Variants in GSAP observed in about 807,000 individuals in gnomAD.
GSAP encodes gamma-secretase activating protein, also known as gamma-secretase-activating protein.
In GSAP, 118 loss-of-function variants were observed where a neutral mutation model predicts 131.7. That is an observed-to-expected ratio of 0.90 (90% confidence interval 0.77 to 1.04). The LOEUF is 1.04. Among genes scored for constraint, GSAP ranks in the 50% least tolerant of loss-of-function variants. The pLI is 0.00. For synonymous variants in GSAP, 381 were observed against 363.4 expected, an observed-to-expected ratio of 1.05 and a Z score of -0.55; for missense variants, 1,019 against 1,013.2, an observed-to-expected ratio of 1.01 and a Z score of -0.08.
intron 6 of GSAP, among the ~76,000 whole-genome samples, chr7:77,384,461 T>C (rs79413659): frequency 1.3e-5 from 2 of 152,022 alleles, no homozygotes; most frequent in Admixed American, 1.3e-4. Context: ...CTCAAGGTTA[T>C]TTTTTTTGTA....
intron 6 of GSAP, among the ~76,000 whole-genome samples, chr7:77,384,309 T>C (rs1293809098): frequency 2.6e-5 from 4 of 152,204 alleles, no homozygotes; most frequent in African/African-American, 9.6e-5. Flanking sequence ...CTCTGCCTGG[T>C]CTTCCTGTGA....
At chr7:77,335,589 G>A (rs1789861315) in intron 19 of GSAP, among the ~76,000 whole-genome samples, 1 of 151,838 alleles carries the variant, frequency 6.6e-6, no homozygotes, top group Non-Finnish European at 1.5e-5. Flanking sequence ...TTACATTAAG[G>A]AATTGTTTCC....
intron 16 of GSAP, among the ~76,000 whole-genome samples, chr7:77,354,590 A>C (rs1793373343): frequency 6.6e-6 from 1 of 152,200 alleles, no homozygotes; most frequent in South Asian, 2.1e-4. Context: ...AACTTCAATT[A>C]GCAGATGCAC....
rs1188614929 is a variant in GSAP at position 77,377,294 on chromosome 7, C to A, written c.673G>T (p.Asp225Tyr). Residue 225 changes from aspartate to tyrosine, a missense_variant, in exon 9 of 31, where the codon GAC (aspartate) becomes TAC (tyrosine). Transcript: ENST00000257626. ...TGAACTAGTTTTTTTACCTTCAGGT[C>A]AATGTAATATAATCTCTGTTCTGAC... Reference protein sequence around the residue: ...DMSEQRLYYIDLKKSRSILKC... With the variant: ...DMSEQRLYYIYLKKSRSILKC... The A allele has an allele frequency of 1.2e-5, 17 of 1,396,888 alleles. No individual in the cohort carries two copies. Among genetic ancestry groups the A allele is most frequent in the South Asian group, 1.6e-5 (1 of 62,920 alleles). The allele number at this position is 1,396,888 out of a possible 1,614,324, so 86.5% of individuals were successfully genotyped here.
At position 77,349,248 on chromosome 7, in the gene GSAP, CT is replaced by C. The variant is rs1792401757; in HGVS notation, c.1545+102del. On this transcript the variant is annotated intron_variant, in intron 19 of 30. Coordinates refer to ENST00000257626, the MANE Select transcript of GSAP (RefSeq NM_017439.4). Reference sequence around the variant, plus strand: ...ACCCACCCTACTGCCTTGCCCTCCCCTCCCCTGCCAATTTGCAATCCCTTTT... The same window carrying C: ...ACCCACCCTACTGCCTTGCCCTCCCCCCCCTGCCAATTTGCAATCCCTTTT... The C allele has an allele frequency of 5.6e-6, 5 of 894,436 alleles. No homozygotes were observed. In the South Asian group the frequency reaches 7.1e-5, roughly 13 times the overall value. 55.4% of individuals were successfully genotyped at this position (894,436 alleles called of 1,614,324 possible). A position where few individuals can be genotyped will look rare whatever the true frequency, so the allele number is the denominator to read the frequency against.
At position 77,330,591 on chromosome 7, in the gene GSAP, T is replaced by TTTG. The variant is rs1554381549; in HGVS notation, c.1546-227_1546-225dup. 4,777 of 1,062,436 alleles carry TTTG rather than the reference T, an allele frequency of 4.5e-3. 28 individuals are homozygous for TTTG. The highest frequency in any genetic ancestry group is 0.034 in the African/African-American group (1,936 of 56,414). The allele number at this position is 1,062,436 out of a possible 1,614,324, so 65.8% of individuals were successfully genotyped here. Reference sequence around the variant, plus strand: ...TCTGTCTCTTTTTTTTTTTTTTTTTTTTGTCGTTGTTTTTTTAAACCACAT... The same window carrying TTTG: ...TCTGTCTCTTTTTTTTTTTTTTTTTTTTGTTGTCGTTGTTTTTTTAAACCACAT... On this transcript the variant is annotated intron_variant, in intron 19 of 30. Coordinates refer to ENST00000257626, the MANE Select transcript of GSAP (RefSeq NM_017439.4).
chr7:77,396,432 T>C (rs757288103), intron 5 of GSAP, among the ~76,000 whole-genome samples: 14 of 152,124 alleles, frequency 9.2e-5, no homozygotes, highest in Non-Finnish European at 1.8e-4. Context: ...GTATCCCCAG[T>C]ACCATGCATA....
chr7:77,329,621 A>C, intron 20 of GSAP: 2 of 287,780 alleles, frequency 6.9e-6, no homozygotes, highest in South Asian at 9.8e-5. Context: ...AACAACACTA[A>C]TCTACATGCA....
intron 5 of GSAP, among the ~76,000 whole-genome samples, chr7:77,389,027 G>T (rs1446978642): frequency 6.6e-6 from 1 of 152,058 alleles, no homozygotes; most frequent in Non-Finnish European, 1.5e-5. Context: ...TCTACTTGAT[G>T]ACTCAAAAAA....
chr7:77,357,229 T>A (rs1393601287), intron 14 of GSAP, among the ~76,000 whole-genome samples: 3 of 152,152 alleles, frequency 2.0e-5, no homozygotes, highest in Admixed American at 6.6e-5. Context: ...GTTCAGTCCC[T>A]CAATGAACAG....
intron 19 of GSAP, among the ~76,000 whole-genome samples, chr7:77,337,426 C>T (rs1382641763): frequency 2.0e-5 from 3 of 152,208 alleles, no homozygotes; most frequent in East Asian, 1.9e-4. Context: ...CCACCCGCCT[C>T]GGCCTCCCAA....
Position 77,416,304 on chromosome 7 carries a change from G to C in GSAP, c.18C>G (p.Val6=). The C allele has an allele frequency of 6.7e-7, 1 of 1,496,268 alleles. No homozygotes were observed. The highest frequency in any genetic ancestry group is 8.9e-7 in the Non-Finnish European group (1 of 1,124,460). 92.7% of individuals were successfully genotyped at this position (1,496,268 alleles called of 1,614,324 possible). A position where few individuals can be genotyped will look rare whatever the true frequency, so the allele number is the denominator to read the frequency against. MALRL[V]ADFDLGKDVL... is the part of the protein sequence containing the mutation. ...CGTCCTTCCCGAGGTCGAAGTCGGC[G>C]ACCAGGCGAAGAGCCATCGCCCGGA... is the stretch of plus-strand genomic sequence containing the variant. The change falls in exon 1 of 31, where the codon GTC becomes GTG. Residue 6 remains valine, a synonymous_variant. Transcript: ENST00000257626.
chr7:77,324,047 CA>C, intron 23 of GSAP, among the ~76,000 whole-genome samples: 1 of 152,336 alleles, frequency 6.6e-6, no homozygotes, highest in East Asian at 1.9e-4. Flanking sequence ...TTAGAAGTCA[CA>C]GGCTTTGGGA....
At chr7:77,342,684 T>C (rs1325719433) in intron 19 of GSAP, among the ~76,000 whole-genome samples, 1 of 152,136 alleles carries the variant, frequency 6.6e-6, no homozygotes, top group Non-Finnish European at 1.5e-5. Flanking sequence ...AATGCCAATA[T>C]TCCATCCCAC....
At chr7:77,317,368 G>T (rs1786987256) in intron 26 of GSAP, among the ~76,000 whole-genome samples, 1 of 142,828 alleles carries the variant, frequency 7.0e-6, no homozygotes. Context: ...CACACACTGG[G>T]GCCTGTCGTG....
intron 28 of GSAP, 107 bp from the exon 29 acceptor site, chr7:77,312,309 T>G (rs2150575032): frequency 1.7e-6 from 1 of 600,086 alleles, no homozygotes; most frequent in Non-Finnish European, 2.9e-6. Flanking sequence ...AGTAGCTGGT[T>G]AGTCTCCAGG....
Position 77,320,732 on chromosome 7 carries a change from C to T in GSAP, c.2082G>A (p.Leu694=), listed in dbSNP as rs759363313. Residue 694 remains leucine (L), a synonymous_variant, in exon 26 of 31, where the codon CTG becomes CTA. Transcript: ENST00000257626. ...LEATNSLFLP[L]PPGFHTLHTI... ...AAAAGAGCCAACACTTACCAGGAGG[C>T]AGAGGTAAAAACAAACTGTTTGTAG... The T allele has an allele frequency of 6.3e-7, 1 of 1,588,082 alleles. No homozygotes were observed. Among genetic ancestry groups the T allele is most frequent in the East Asian group, 2.2e-5 (1 of 44,776 alleles).
intron 14 of GSAP, among the ~76,000 whole-genome samples, chr7:77,360,537 T>C (rs1032344457): frequency 3.9e-5 from 6 of 152,220 alleles, no homozygotes; most frequent in Non-Finnish European, 7.3e-5. Flanking sequence ...TGTTAACAAA[T>C]AGCTTTTTAG....
intron 21 of GSAP, 77 bp from the exon 22 acceptor site, chr7:77,328,714 C>T (rs1788670271): frequency 1.2e-6 from 1 of 867,126 alleles, no homozygotes; most frequent in Non-Finnish European, 1.9e-6. Context: ...ACAAAGATAT[C>T]CTCCTTTAAA....
Sources: allele counts gnomAD v4.1 joint callset (sites outside exome capture counted in the v4.1 genomes callset), GRCh38; gene constraint gnomAD v4.1.1; transcripts MANE v1.5; gene names NCBI Gene and HGNC (gene_info 2026-07-23, HGNC 2026-07-21).